The following XYLT1 variants were observed in gnomAD, a reference collection of about 807,000 sequenced individuals.
XYLT1 encodes the protein beta-D-xylosyltransferase 1.
Under a neutral mutation model 91.3 loss-of-function variants are expected in XYLT1, and 36 were observed. That is an observed-to-expected ratio of 0.39 (90% CI 0.30 to 0.52). The LOEUF (loss-of-function observed/expected upper bound fraction) is 0.52, where lower values mean the gene tolerates loss of function less well. XYLT1 is among the 20% of genes least tolerant of loss of function. XYLT1 has a pLI of 0.68. For synonymous variants in XYLT1, 588 were observed against 532.0 expected (o/e 1.11, Z -1.45); for missense variants, 1,242 against 1,284.5 (o/e 0.97, Z 0.51).
At chr16:17,420,658 CA>C (rs2036239444) in intron 1 of XYLT1, among the ~76,000 whole-genome samples, 1 of 148,832 alleles carries the variant, frequency 6.7e-6, no homozygotes, top group South Asian at 2.1e-4. Flanking sequence ...TAGCACTATC[CA>C]AAAAAATGTA....
intron 1 of XYLT1, among the ~76,000 whole-genome samples, chr16:17,386,141 C>G (rs2035745713): frequency 1.3e-5 from 2 of 152,046 alleles, no homozygotes. Flanking sequence ...AGCTGAGAAA[C>G]ACTTTTGGAG....
At chr16:17,345,364 C>T (rs1370541098) in intron 2 of XYLT1, among the ~76,000 whole-genome samples, 1 of 152,224 alleles carries the variant, frequency 6.6e-6, no homozygotes, top group Non-Finnish European at 1.5e-5. Flanking sequence ...GGAGGAGGAA[C>T]ATTCCAGAGA....
chr16:17,401,632 T>C (rs1391540235), intron 1 of XYLT1, among the ~76,000 whole-genome samples: 1 of 152,018 alleles, frequency 6.6e-6, no homozygotes, highest in East Asian at 1.9e-4. Flanking sequence ...CTGGGAGGGG[T>C]AAATTTTAAA....
intron 1 of XYLT1, among the ~76,000 whole-genome samples, chr16:17,419,353 CA>C (rs751794932): frequency 2.6e-5 from 4 of 151,552 alleles, no homozygotes; most frequent in Non-Finnish European, 5.9e-5. Flanking sequence ...AAAACAAAAA[CA>C]AAAAAAGATA....
intron 1 of XYLT1, among the ~76,000 whole-genome samples, chr16:17,384,620 T>C (rs953028637): frequency 2.0e-5 from 3 of 151,794 alleles, no homozygotes; most frequent in Non-Finnish European, 2.9e-5. Flanking sequence ...TCAGATGTGG[T>C]GTGGGAGTGC....
chr16:17,421,753 C>T (rs978220212), intron 1 of XYLT1, among the ~76,000 whole-genome samples: 3 of 152,208 alleles, frequency 2.0e-5, no homozygotes, highest in Admixed American at 6.5e-5. Flanking sequence ...TCCTAAGGTC[C>T]TGATCCACAA....
chr16:17,285,874 C>CTGTGTGTGTG (rs56267931), intron 2 of XYLT1, among the ~76,000 whole-genome samples: 317 of 145,256 alleles, frequency 2.2e-3, no homozygotes, highest in South Asian at 7.5e-3. Flanking sequence ...TGGTGTATCT[C>CTGTGTGTGTG]TGTGTGTGTG....
intron 5 of XYLT1, among the ~76,000 whole-genome samples, chr16:17,181,737 C>G (rs765822573): frequency 1.6e-4 from 24 of 152,080 alleles, no homozygotes; most frequent in Non-Finnish European, 2.8e-4. Flanking sequence ...AACCCTTCCT[C>G]CTCCCAAATG....
intron 2 of XYLT1, among the ~76,000 whole-genome samples, chr16:17,324,978 A>C (rs894813339): frequency 6.6e-6 from 1 of 152,214 alleles, no homozygotes; most frequent in Admixed American, 6.5e-5. Context: ...AGCTATTTAT[A>C]TATAATTATG....
intron 11 of XYLT1, among the ~76,000 whole-genome samples, chr16:17,116,267 A>G (rs969347693): frequency 6.6e-6 from 1 of 152,238 alleles, no homozygotes; most frequent in African/African-American, 2.4e-5. Flanking sequence ...CAGGCAGGAT[A>G]GGAACTGACA....
chr16:17,415,105 G>A (rs1356232276), intron 1 of XYLT1, among the ~76,000 whole-genome samples: 1 of 152,114 alleles, frequency 6.6e-6, no homozygotes, highest in Non-Finnish European at 1.5e-5. Context: ...TTTGCAGAAG[G>A]GAAAACTGAG....
chr16:17,184,411 A>T (rs2032138257), intron 5 of XYLT1, among the ~76,000 whole-genome samples: 1 of 152,152 alleles, frequency 6.6e-6, no homozygotes, highest in South Asian at 2.1e-4. Flanking sequence ...CAGAGGACAG[A>T]GACCACATTT....
intron 2 of XYLT1, among the ~76,000 whole-genome samples, chr16:17,326,955 G>C (rs1326997569): frequency 6.6e-6 from 1 of 152,224 alleles, no homozygotes; most frequent in Non-Finnish European, 1.5e-5. Context: ...ATGGAGCTGT[G>C]TGTGACTGCA....
chr16:17,437,099 C>T (rs890894933), intron 1 of XYLT1, among the ~76,000 whole-genome samples: 9 of 152,082 alleles, frequency 5.9e-5, no homozygotes, highest in Non-Finnish European at 1.0e-4. Context: ...TTTACAGATC[C>T]GAAAACTGAG....
At chr16:17,277,307 C>T (rs559050116) in intron 2 of XYLT1, among the ~76,000 whole-genome samples, 58 of 151,986 alleles carry the variant, frequency 3.8e-4, no homozygotes, top group Non-Finnish European at 7.2e-4. Context: ...TTGACCACTT[C>T]ACCCAGGTAG....
chr16:17,427,191 G>A (rs1184862545), intron 1 of XYLT1, among the ~76,000 whole-genome samples: 1 of 152,256 alleles, frequency 6.6e-6, no homozygotes, highest in African/African-American at 2.4e-5. Context: ...CGGAAGAGAA[G>A]GGACGATAGC....
At position 17,104,365 on chromosome 16, in the gene XYLT1, A is replaced by G. The variant is rs1320965974; in HGVS notation, c.*4330T>C. The G allele has an allele frequency of 6.6e-6, 1 of 152,252 alleles. No homozygotes were observed. The highest frequency in any genetic ancestry group is 2.4e-5 in the African/African-American group (1 of 41,448). 9.4% of individuals were successfully genotyped at this position (152,252 alleles called of 1,614,324 possible). ...GCAGCAGTCCAGATCTCCAGATTCT[A>G]TTCCTTCTTCCCTTCAGCACAATCT... On this transcript the variant is annotated 3_prime_UTR_variant, in exon 12 of 12. Transcript: ENST00000261381.
At chr16:17,323,864 G>C (rs994557287) in intron 2 of XYLT1, among the ~76,000 whole-genome samples, 1 of 152,198 alleles carries the variant, frequency 6.6e-6, no homozygotes, top group East Asian at 1.9e-4. Context: ...CAGAGACACA[G>C]AAAGTTCCGA....
intron 3 of XYLT1, among the ~76,000 whole-genome samples, chr16:17,200,904 G>T (rs1423618180): frequency 6.6e-6 from 1 of 152,196 alleles, no homozygotes; most frequent in African/African-American, 2.4e-5. Context: ...AATGCTGGAA[G>T]AGACACATGG....
Sources: gnomAD v4.1 joint callset for allele counts (sites outside exome capture counted in the v4.1 genomes callset) on GRCh38, gnomAD v4.1.1 for gene constraint, MANE v1.5 for transcripts, NCBI Gene and HGNC (gene_info 2026-07-23, HGNC 2026-07-21) for gene names.